CDH18: variants seen among roughly 807,000 people sequenced by gnomAD.
CDH18 encodes cadherin-18.
A neutral mutation model predicts 67.9 loss-of-function variants in CDH18; 31 were observed. That is an observed-to-expected ratio of 0.46 (90% confidence interval 0.34 to 0.62). The LOEUF is 0.62. CDH18 is among the 20% of genes least tolerant of loss of function. CDH18 has a pLI of 0.01. For synonymous variants in CDH18, 362 were observed against 347.2 expected (o/e 1.04, Z -0.48); for missense variants, 890 against 975.5 (o/e 0.91, Z 1.17).
chr5:20,366,162 A>G (rs1742502733), intron 1 of CDH18, among the ~76,000 whole-genome samples: 2 of 152,184 alleles, frequency 1.3e-5, no homozygotes, highest in African/African-American at 4.8e-5. Flanking sequence ...CCTCAAATTT[A>G]TCATGTCCAA....
chr5:20,546,748 T>TACACACAC (rs72287076), intron 1 of CDH18, among the ~76,000 whole-genome samples: 49,026 of 141,324 alleles, frequency 0.35, 9,175 homozygotes, highest in Middle Eastern at 0.44. Context: ...CATACATACA[T>TACACACAC]AGACACACAC....
chr5:20,353,944 C>T (rs1204226713), intron 1 of CDH18, among the ~76,000 whole-genome samples: 2 of 152,132 alleles, frequency 1.3e-5, no homozygotes, highest in Non-Finnish European at 2.9e-5. Context: ...AAAGGCTTCT[C>T]GGTCAATTTA....
intron 3 of CDH18, among the ~76,000 whole-genome samples, chr5:19,815,537 G>A (rs1362752542): frequency 6.7e-6 from 1 of 149,358 alleles, no homozygotes; most frequent in African/African-American, 2.5e-5. Context: ...TCTTTAATTT[G>A]AAAATACATA....
In CDH18 at chr5:20,218,332, T is replaced by A. The variant is rs544198225; in HGVS notation, c.-518+37112A>T. 1.3e-4 allele frequency among the ~76,000 whole-genome samples: 20 copies of A among 152,022 alleles called. No individual in the cohort carries two copies. In the South Asian group the frequency reaches 4.1e-3, roughly 32 times the overall value. ...TTTCAACTATCTTCTTTCTCCACAA[T>A]AGAATATAACTAGGAATCAATAAAA... On this transcript the variant is annotated intron_variant, in intron 2 of 14. Coordinates refer to the CDH18 transcript ENST00000507958.
At position 19,612,468 on chromosome 5, in the gene CDH18, G is replaced by A. The variant is rs1162707111; in HGVS notation, c.777C>T (p.Thr259=). 6 of 1,613,928 alleles carry A rather than the reference G, an allele frequency of 3.7e-6. No individual in the cohort carries two copies. The highest frequency in any genetic ancestry group is 1.7e-5 in the Admixed American group (1 of 59,978). The change falls in exon 6 of 13, where the codon ACC becomes ACT. Residue 259 remains threonine (T), a synonymous_variant. Transcript: ENST00000382275. ...AGCGTGGTGGGTTGTCATTGACATC[G>A]GTTAAGGTGATGTTGACTGTTGTAG... is the stretch of plus-strand genomic sequence containing the variant. The part of the protein sequence containing the change: ...SGSTTVNITL[T]DVNDNPPRFP...
intron 7 of CDH18, among the ~76,000 whole-genome samples, chr5:19,588,164 T>A (rs1288447536): frequency 6.6e-6 from 1 of 152,140 alleles, no homozygotes; most frequent in African/African-American, 2.4e-5. Flanking sequence ...TGAAGTTGCT[T>A]ATCAGCTTAA....
chr5:19,774,808 CAAAAAAAAAAAAAAAAAAAAAAAAA>C (rs59248561), intron 3 of CDH18, among the ~76,000 whole-genome samples: 4 of 35,414 alleles, frequency 1.1e-4, no homozygotes, highest in Admixed American at 4.0e-4. Context: ...GACTCTGTCT[CAAAAAAAAAAAAAAAAAAAAAAAAA>C]AAAAAAAAAA....
At chr5:20,418,767 T>A (rs771314735) in intron 1 of CDH18, among the ~76,000 whole-genome samples, 7 of 152,080 alleles carry the variant, frequency 4.6e-5, no homozygotes, top group Non-Finnish European at 7.4e-5. Flanking sequence ...TGTGTGTATA[T>A]GCAATGGGCT....
chr5:19,957,794 A>G (rs1051987010), intron 2 of CDH18, among the ~76,000 whole-genome samples: 7 of 152,026 alleles, frequency 4.6e-5, no homozygotes, highest in African/African-American at 1.7e-4. Flanking sequence ...GATGTACAAT[A>G]GAAGACTATT....
intron 11 of CDH18, among the ~76,000 whole-genome samples, chr5:19,498,416 T>C (rs1158059643): frequency 2.0e-5 from 3 of 152,214 alleles, no homozygotes; most frequent in African/African-American, 4.8e-5. Context: ...CCTGGTATTA[T>C]TGCTCACAAA....
At chr5:20,474,627 A>C (rs1443964828) in intron 1 of CDH18, among the ~76,000 whole-genome samples, 4 of 152,214 alleles carry the variant, frequency 2.6e-5, no homozygotes, top group African/African-American at 9.6e-5. Flanking sequence ...TAAAAGACTA[A>C]AATGAATGTC....
rs1762537167 is a variant in CDH18, at chr5:19,696,313, G to A, written c.643+25034C>T. Among the ~76,000 whole-genome samples, 2 of 150,870 alleles carry A rather than the reference G, an allele frequency of 1.3e-5. 1 individual carries two copies. The highest frequency in any genetic ancestry group is 4.2e-4 in the South Asian group (2 of 4,788). On this transcript the variant is annotated intron_variant, in intron 5 of 12. Coordinates refer to ENST00000382275, the MANE Select transcript of CDH18 (RefSeq NM_004934.5). ...CTGCTGCCCAGGCTGGAGTGCAGTG[G>A]CTTGATCTCTATCAGGAGTTCAAGA...
At chr5:19,659,792 C>A (rs1756912876) in intron 5 of CDH18, among the ~76,000 whole-genome samples, 2 of 152,054 alleles carry the variant, frequency 1.3e-5, no homozygotes, top group Non-Finnish European at 2.9e-5. Flanking sequence ...ATATACTTCA[C>A]CTGCTGCCAC....
At chr5:19,575,072 T>G (rs1742102894) in intron 7 of CDH18, among the ~76,000 whole-genome samples, 1 of 152,000 alleles carries the variant, frequency 6.6e-6, no homozygotes, top group African/African-American at 2.4e-5. Flanking sequence ...ACCATATCAC[T>G]GATGCTCATA....
chr5:20,398,094 G>C (rs1389134519), intron 1 of CDH18, among the ~76,000 whole-genome samples: 1 of 152,086 alleles, frequency 6.6e-6, no homozygotes, highest in Non-Finnish European at 1.5e-5. Context: ...AACCAAGTAA[G>C]AGACCAGACA....
chr5:19,484,430 T>C (rs913004870), intron 11 of CDH18, among the ~76,000 whole-genome samples: 2 of 152,166 alleles, frequency 1.3e-5, no homozygotes, highest in African/African-American at 2.4e-5. Flanking sequence ...CCAAATGGTA[T>C]TGATGTCCGC....
At chr5:20,248,701 G>A (rs1743574160) in intron 2 of CDH18, among the ~76,000 whole-genome samples, 1 of 152,144 alleles carries the variant, frequency 6.6e-6, no homozygotes. Flanking sequence ...ATTGTTGGAT[G>A]GCATTTGACA....
intron 5 of CDH18, among the ~76,000 whole-genome samples, chr5:19,675,605 G>T (rs1759376294): frequency 1.3e-5 from 2 of 152,054 alleles, no homozygotes; most frequent in East Asian, 1.9e-4. Context: ...TATCTCCCTT[G>T]TTCCCTGAAC....
At chr5:19,661,655 T>C (rs1757198014) in intron 5 of CDH18, among the ~76,000 whole-genome samples, 1 of 152,062 alleles carries the variant, frequency 6.6e-6, no homozygotes, top group Non-Finnish European at 1.5e-5. Flanking sequence ...GAATGACCTG[T>C]TCTTTCTCTT....
Sources: gnomAD v4.1 joint callset for allele counts (sites outside exome capture counted in the v4.1 genomes callset) on GRCh38, gnomAD v4.1.1 for gene constraint, MANE v1.5 for transcripts, NCBI Gene and HGNC (gene_info 2026-07-23, HGNC 2026-07-21) for gene names.